Variants in NRXN1 observed in about 807,000 individuals in gnomAD.
NRXN1 encodes the protein neurexin 1, also known as neurexin-1.
A neutral mutation model predicts 150.9 loss-of-function variants in NRXN1; 39 were observed. That is an observed-to-expected ratio of 0.26 (90% CI 0.20 to 0.34). NRXN1 has a LOEUF of 0.34. Ranked by LOEUF, NRXN1 falls within the 10% of genes least tolerant of loss-of-function variation. The pLI, the probability that NRXN1 is intolerant of heterozygous loss-of-function variation, is 1.00. For missense variants in NRXN1, 1,815 were observed against 1,949.9 expected, an observed-to-expected ratio of 0.93 and a Z score of 1.30; for synonymous variants, 924 against 757.0, an observed-to-expected ratio of 1.22 and a Z score of -3.62.
At chr2:50,358,444 C>A (rs372027539) in intron 17 of NRXN1, among the ~76,000 whole-genome samples, 25 of 152,310 alleles carry the variant, frequency 1.6e-4, no homozygotes, top group African/African-American at 6.0e-4. Flanking sequence ...TTTCCCCTCA[C>A]AATGTAAACA....
chr2:50,925,808 T>G (rs929741834), intron 3 of NRXN1, 130 bp downstream of exon 3: 1 of 722,598 alleles, frequency 1.4e-6, no homozygotes, highest in Admixed American at 2.2e-5. Flanking sequence ...TGAAAAGTGA[T>G]ACACAATCCA....
At chr2:50,239,400 T>C (rs1483694282) in intron 17 of NRXN1, among the ~76,000 whole-genome samples, 1 of 151,222 alleles carries the variant, frequency 6.6e-6, no homozygotes, top group Admixed American at 6.6e-5. Context: ...AAACAACACA[T>C]ATCTAAGAAT....
chr2:50,640,894 G>C (rs575670929), intron 5 of NRXN1, among the ~76,000 whole-genome samples: 1 of 152,036 alleles, frequency 6.6e-6, no homozygotes, highest in African/African-American at 2.4e-5. Context: ...GGCAACTGTC[G>C]ATATTATATT....
At chr2:50,821,469 A>T (rs552761768) in intron 5 of NRXN1, among the ~76,000 whole-genome samples, 1 of 152,140 alleles carries the variant, frequency 6.6e-6, no homozygotes, top group African/African-American at 2.4e-5. Context: ...AAATCTTCCC[A>T]TCTGCAAAAT....
intron 17 of NRXN1, among the ~76,000 whole-genome samples, chr2:50,244,747 G>C (rs2066346424): frequency 6.6e-6 from 1 of 151,778 alleles, no homozygotes; most frequent in African/African-American, 2.4e-5. Context: ...AAAATGGCTA[G>C]AAGAGAGGAT....
chr2:50,449,533 G>T (rs2086768199), intron 17 of NRXN1, among the ~76,000 whole-genome samples: 1 of 152,150 alleles, frequency 6.6e-6, no homozygotes, highest in Non-Finnish European at 1.5e-5. Context: ...GAGTCAGTAG[G>T]TGTGTGGGGG....
At chr2:50,325,820 T>C (rs1575092390) in intron 17 of NRXN1, among the ~76,000 whole-genome samples, 1 of 152,358 alleles carries the variant, frequency 6.6e-6, no homozygotes, top group Non-Finnish European at 1.5e-5. Context: ...TGTAACCCTT[T>C]ATTTAAAAAT....
At chr2:50,390,332 T>C (rs1322594857) in intron 17 of NRXN1, among the ~76,000 whole-genome samples, 1 of 152,032 alleles carries the variant, frequency 6.6e-6, no homozygotes, top group East Asian at 1.9e-4. Flanking sequence ...AAAAGGGAAG[T>C]CCCCTTTGTA....
rs146925502 is a variant in NRXN1, at chr2:50,586,406, G to A, written c.1321-33381C>T. Among the ~76,000 whole-genome samples, 465 of 152,142 alleles carry A rather than the reference G, an allele frequency of 3.1e-3. 3 individuals are homozygous for A. The highest frequency in any genetic ancestry group is 0.01 in the Middle Eastern group (3 of 294). ...TATATATTTTAAAAATTTATCTAGT[G>A]TCTGTCTCCTTCCAGTATAGTACAA... On this transcript the variant is annotated intron_variant, in intron 8 of 22. Transcript: ENST00000401669.
At chr2:50,140,565 G>A (rs1457296819) in intron 18 of NRXN1, among the ~76,000 whole-genome samples, 1 of 152,106 alleles carries the variant, frequency 6.6e-6, no homozygotes, top group Non-Finnish European at 1.5e-5. Context: ...CGACAGGAGA[G>A]AGCCTTCCCT....
chr2:50,623,504 A>C lies in NRXN1; in HGVS notation c.944T>G (p.Leu315Arg), dbSNP rs1348304443. 2 of 1,613,430 alleles carry C rather than the reference A, an allele frequency of 1.2e-6. No individual in the cohort carries two copies. Among genetic ancestry groups the C allele is most frequent in the Non-Finnish European group, 8.5e-7 (1 of 1,179,504 alleles). Residue 315 changes from leucine (L) to arginine (R), a missense_variant, in exon 6 of 23, where the codon CTT becomes CGT. Leu to Arg is a moderately radical substitution (Grantham distance 102). Around this residue, in one of 6 missense-constraint regions of NRXN1, gnomAD observed 554 missense variants for 478.8 expected, o/e 1.16. Coordinates refer to ENST00000401669, the MANE Select transcript of NRXN1 (RefSeq NM_001330078.2). ...SDEITLSFKT[L>R]QRNGLMLHTG... ...GTGAAGCATCAGTCCATTCCTCTGA[A>C]GGGTTTTAAATGACAGAGTTATTTC...
chr2:50,066,796 T>A (rs1293455014), intron 19 of NRXN1, among the ~76,000 whole-genome samples: 1 of 152,134 alleles, frequency 6.6e-6, no homozygotes, highest in Non-Finnish European at 1.5e-5. Context: ...AATATTTGTG[T>A]TAGGATGGAG....
At chr2:50,078,294 T>C (rs1020564509) in intron 19 of NRXN1, among the ~76,000 whole-genome samples, 1 of 152,062 alleles carries the variant, frequency 6.6e-6, no homozygotes, top group African/African-American at 2.4e-5. Context: ...GGCATTATGT[T>C]TAATTATTTT....
chr2:50,851,284 G>T (rs1353378681), intron 5 of NRXN1, among the ~76,000 whole-genome samples: 1 of 152,110 alleles, frequency 6.6e-6, no homozygotes, highest in African/African-American at 2.4e-5. Flanking sequence ...TTCAAGGTAG[G>T]TTTCTAGTTG....
At chr2:50,592,989 T>A (rs886256036) in intron 8 of NRXN1, among the ~76,000 whole-genome samples, 1 of 152,316 alleles carries the variant, frequency 6.6e-6, no homozygotes. Flanking sequence ...TGGTGATCAA[T>A]AATTACTACT....
At chr2:50,675,556 G>C (rs1173848643) in intron 5 of NRXN1, among the ~76,000 whole-genome samples, 2 of 152,122 alleles carry the variant, frequency 1.3e-5, no homozygotes, top group African/African-American at 4.8e-5. Flanking sequence ...TGATAAACTA[G>C]AAGATTCCTT....
At position 50,291,620 on chromosome 2, in the gene NRXN1, C is replaced by T. The variant is rs539029223; in HGVS notation, c.3365-54650G>A. ...CAGCTAGAAACAATTTAACGAAGCCCGAAGCCTGCCGAATTTTCAGGAGAT... is the reference window on the plus strand; with the variant it reads ...CAGCTAGAAACAATTTAACGAAGCCTGAAGCCTGCCGAATTTTCAGGAGAT... On this transcript the variant is annotated intron_variant, in intron 17 of 22. Transcript: ENST00000401669. Among the ~76,000 whole-genome samples, 7 of 152,238 alleles carry T rather than the reference C, an allele frequency of 4.6e-5. No individual in the cohort carries two copies. The South Asian group carries it at 1.5e-3, about 32-fold the overall frequency.
chr2:50,604,795 C>T (rs1203239735), intron 8 of NRXN1, among the ~76,000 whole-genome samples: 1 of 152,170 alleles, frequency 6.6e-6, no homozygotes, highest in Non-Finnish European at 1.5e-5. Context: ...TACAATGAAT[C>T]TACACAAAGG....
intron 18 of NRXN1, among the ~76,000 whole-genome samples, chr2:50,135,941 C>T (rs1706338789): frequency 6.6e-6 from 1 of 152,168 alleles, no homozygotes; most frequent in East Asian, 1.9e-4. Flanking sequence ...TCCATTGTCT[C>T]ATTTTCATGT....
Sources: gnomAD v4.1 joint callset for allele counts (sites outside exome capture counted in the v4.1 genomes callset) on GRCh38, gnomAD v4.1.1 for gene constraint, gnomAD v4.1.1 regional missense constraint, MANE v1.5 for transcripts, NCBI Gene and HGNC (gene_info 2026-07-23, HGNC 2026-07-21) for gene names.